NKAIN3: variants seen among roughly 807,000 people sequenced by gnomAD.
NKAIN3 encodes sodium/potassium-transporting ATPase subunit beta-1-interacting protein 3.
NKAIN3 carries 25 observed loss-of-function variants against 30.2 expected under a neutral mutation model. That is an observed-to-expected ratio of 0.83 (90% CI 0.60 to 1.16). NKAIN3 has a LOEUF of 1.16. Ranked by LOEUF, NKAIN3 falls within the 50% of genes most tolerant of loss-of-function variation. The pLI is 0.00. For synonymous variants in NKAIN3, 91 were observed against 89.6 expected (o/e 1.02, Z -0.09); for missense variants, 225 against 254.1 (o/e 0.89, Z 0.78).
chr8:62,910,309 G>T (rs1029962708), intron 4 of NKAIN3, among the ~76,000 whole-genome samples: 4 of 151,994 alleles, frequency 2.6e-5, no homozygotes, highest in Admixed American at 6.5e-5. Flanking sequence ...ATTATCCAAA[G>T]AGCTTACTCT....
At chr8:62,991,725 TG>T (rs1466604901) in intron 5 of NKAIN3, among the ~76,000 whole-genome samples, 6 of 152,224 alleles carry the variant, frequency 3.9e-5, no homozygotes. Context: ...TCAGCACTAA[TG>T]GTGCTTGATT....
At chr8:62,528,318 T>TA (rs1554543355) in intron 1 of NKAIN3, among the ~76,000 whole-genome samples, 18 of 88,896 alleles carry the variant, frequency 2.0e-4, no homozygotes, top group African/African-American at 5.2e-4. Context: ...TATATATATA[T>TA]TATATAATAT....
intron 4 of NKAIN3, among the ~76,000 whole-genome samples, chr8:62,790,125 G>A (rs1817656227): frequency 6.6e-6 from 1 of 152,036 alleles, no homozygotes; most frequent in Non-Finnish European, 1.5e-5. Context: ...TGATCAAGTG[G>A]GCTTCATCCC....
chr8:62,379,748 G>A (rs1817209961), intron 1 of NKAIN3, among the ~76,000 whole-genome samples: 1 of 151,992 alleles, frequency 6.6e-6, no homozygotes, highest in Non-Finnish European at 1.5e-5. Context: ...AAATTACCCA[G>A]TCTCTGGTAT....
At chr8:62,787,945 T>A (rs1817576817) in intron 4 of NKAIN3, among the ~76,000 whole-genome samples, 2 of 152,204 alleles carry the variant, frequency 1.3e-5, no homozygotes. Flanking sequence ...GACATCTGGC[T>A]TGGTTCCAAG....
intron 1 of NKAIN3, among the ~76,000 whole-genome samples, chr8:62,426,708 C>T (rs1296776674): frequency 6.6e-6 from 1 of 151,940 alleles, no homozygotes; most frequent in South Asian, 2.1e-4. Flanking sequence ...AAAAAAAAGG[C>T]TGAAGTGAAT....
chr8:62,276,316 T>C (rs1812958704), intron 1 of NKAIN3, among the ~76,000 whole-genome samples: 2 of 152,208 alleles, frequency 1.3e-5, no homozygotes. Flanking sequence ...TCCGCCTGCC[T>C]TGGCCTCCCA....
chr8:62,759,695 T>G (rs376927089), intron 4 of NKAIN3, among the ~76,000 whole-genome samples: 16 of 150,950 alleles, frequency 1.1e-4, no homozygotes, highest in African/African-American at 3.9e-4. Context: ...GATTAGAAAG[T>G]ACATAGGCAT....
chr8:62,631,058 A>G (rs944529461), intron 3 of NKAIN3, among the ~76,000 whole-genome samples: 1 of 152,068 alleles, frequency 6.6e-6, no homozygotes, highest in South Asian at 2.1e-4. Flanking sequence ...TGCCATTCCA[A>G]TGGAGCTGCT....
At chr8:62,468,574 C>T (rs990968515) in intron 1 of NKAIN3, among the ~76,000 whole-genome samples, 1 of 152,178 alleles carries the variant, frequency 6.6e-6, no homozygotes, top group African/African-American at 2.4e-5. Flanking sequence ...AGTTGCCAGT[C>T]ATTTTCTAAA....
chr8:62,911,354 T>C (rs996997893), intron 4 of NKAIN3, among the ~76,000 whole-genome samples: 1 of 152,140 alleles, frequency 6.6e-6, no homozygotes, highest in African/African-American at 2.4e-5. Flanking sequence ...CCTGAGTTTG[T>C]TGTGGAGGAA....
In NKAIN3 at chr8:62,962,357, A is replaced by C. The variant is rs372153747; in HGVS notation, c.604-2997A>C. 9.8e-5 allele frequency among the ~76,000 whole-genome samples: 15 copies of C among 152,354 alleles called. No individual in the cohort carries two copies. The East Asian group carries it at 2.7e-3, about 27-fold the overall frequency. ...GATGCTGCCAGACATATAAGGCATA[A>C]TTTCAACAAACCAATTGTAATGAGA... is the stretch of plus-strand genomic sequence containing the variant. On this transcript the variant is annotated intron_variant, in intron 6 of 6. Transcript: ENST00000623646.
At chr8:62,744,650 T>G (rs1222864553) in intron 3 of NKAIN3, among the ~76,000 whole-genome samples, 1 of 152,160 alleles carries the variant, frequency 6.6e-6, no homozygotes, top group Non-Finnish European at 1.5e-5. Flanking sequence ...AGAAATTAAA[T>G]CTGATGACCA....
intron 3 of NKAIN3, among the ~76,000 whole-genome samples, chr8:62,737,679 T>C (rs887115079): frequency 1.3e-5 from 2 of 152,200 alleles, no homozygotes; most frequent in African/African-American, 4.8e-5. Context: ...GTGCAATGGT[T>C]TTGGCACCCA....
intron 1 of NKAIN3, among the ~76,000 whole-genome samples, chr8:62,427,016 G>A (rs1804828608): frequency 1.3e-5 from 2 of 151,992 alleles, no homozygotes; most frequent in South Asian, 4.1e-4. Context: ...GATACCCATA[G>A]AGCAGCACCT....
chr8:62,752,103 A>G (rs1342852230), intron 4 of NKAIN3, among the ~76,000 whole-genome samples: 3 of 152,192 alleles, frequency 2.0e-5, no homozygotes, highest in Non-Finnish European at 4.4e-5. Flanking sequence ...AAAAGGGTGA[A>G]CACAAAAGGA....
rs1459805244 is a variant in NKAIN3 at position 62,517,998 on chromosome 8, G to T, written c.55-61541G>T. On this transcript the variant is annotated intron_variant, in intron 1 of 6. Coordinates refer to ENST00000623646, the MANE Select transcript of NKAIN3 (RefSeq NM_001304533.3). ...TATAGAATGAGCTGCCATGACTATA[G>T]TCATATTCAGCCAAGGAAGTTAATT... is the stretch of plus-strand genomic sequence containing the variant. Among the ~76,000 whole-genome samples the T allele has an allele frequency of 2.0e-5, 3 of 151,966 alleles. No homozygotes were observed. The South Asian group carries it at 6.2e-4, about 31-fold the overall frequency.
chr8:62,814,560 A>G lies in NKAIN3; in HGVS notation c.471+67431A>G, dbSNP rs181340474. The stretch of plus-strand genomic sequence containing the variant: ...CAGACCACAGTGCAATCAAACTAGA[A>G]CTCAGGATTAAGAAACTCACTCAAA... On this transcript the variant is annotated intron_variant, in intron 4 of 6. Coordinates refer to ENST00000623646, the MANE Select transcript of NKAIN3 (RefSeq NM_001304533.3). Among the ~76,000 whole-genome samples the G allele has an allele frequency of 2.7e-3, 415 of 152,198 alleles. 4 individuals are homozygous for G. Among genetic ancestry groups the G allele is most frequent in the African/African-American group, 9.6e-3 (400 of 41,506 alleles).
intron 1 of NKAIN3, among the ~76,000 whole-genome samples, chr8:62,326,848 T>G (rs1815156501): frequency 6.6e-6 from 1 of 152,060 alleles, no homozygotes; most frequent in African/African-American, 2.4e-5. Context: ...ATGGTAATTC[T>G]ATGTTTATTT....
Sources: allele counts gnomAD v4.1 joint callset (sites outside exome capture counted in the v4.1 genomes callset), GRCh38; gene constraint gnomAD v4.1.1; transcripts MANE v1.5; gene names NCBI Gene and HGNC (gene_info 2026-07-23, HGNC 2026-07-21).